Variants in FLII observed in about 807,000 individuals in gnomAD.
The protein encoded by FLII is protein flightless-1 homolog.
FLII carries 101 observed loss-of-function variants against 156.2 expected under a neutral mutation model. That is an observed-to-expected ratio of 0.65 (90% CI 0.55 to 0.76). The LOEUF (loss-of-function observed/expected upper bound fraction) is 0.76. Ranked by LOEUF, FLII falls within the 30% of genes least tolerant of loss-of-function variation. The pLI is 0.00. For synonymous variants in FLII, 767 were observed against 685.8 expected (o/e 1.12, Z -1.85); for missense variants, 1,675 against 1,682.8 (o/e 1.00, Z 0.08).
rs748328577 is a variant in FLII, at chr17:18,246,297, C to T, written c.3206+11G>A. ...GCTTGCTCGCCACTGCGTCCTCCCC[C>T]AGCCAGGCACCGGGTGCAGAGGGCG... On this transcript the variant is annotated intron_variant, in intron 24 of 29. Transcript: ENST00000327031. 2 of 1,613,928 alleles carry T rather than the reference C, an allele frequency of 1.2e-6. No individual in the cohort carries two copies. The highest frequency in any genetic ancestry group is 1.7e-6 in the Non-Finnish European group (2 of 1,180,026).
At chr17:18,248,942 G>C (rs1222117566) in intron 16 of FLII, 59 bp from the exon 17 acceptor site, 2 of 1,494,450 alleles carry the variant, frequency 1.3e-6, no homozygotes, top group African/African-American at 2.8e-5. Flanking sequence ...GTCACCCCAT[G>C]CTCCTGACCC....
intron 2 of FLII, 26 bp from the exon 3 acceptor site, chr17:18,256,623 T>C (rs1237503201): frequency 1.6e-5 from 25 of 1,546,688 alleles, no homozygotes; most frequent in Non-Finnish European, 2.1e-5. Context: ...GAGCACAGGC[T>C]CAGCAGGGTG....
chr17:18,256,432 T>G, intron 3 of FLII, 94 bp downstream of exon 3: 1 of 1,015,032 alleles, frequency 9.9e-7, no homozygotes, highest in Admixed American at 2.0e-5. Context: ...TGGGCAGAAA[T>G]GCTGGCCCAG....
At position 18,249,183 on chromosome 17, in the gene FLII, C is replaced by T; in HGVS notation, c.1878G>A (p.Gly626=). 1.2e-6 allele frequency: 2 copies of T among 1,614,188 alleles called. No homozygotes were observed. Among genetic ancestry groups the T allele is most frequent in the Non-Finnish European group, 1.7e-6 (2 of 1,180,036 alleles). The part of the protein sequence containing the change: ...HYVTRMYRVY[G]KKNIKLEPVP... ...CAGGCTCCAACTTGATGTTCTTTTTCCCATACACACGATACATCCTGGGCG... is the reference window on the plus strand; with the variant it reads ...CAGGCTCCAACTTGATGTTCTTTTTTCCATACACACGATACATCCTGGGCG... Residue 626 remains glycine, a synonymous_variant, in exon 16 of 30, where the codon GGG becomes GGA. Coordinates refer to ENST00000327031, the MANE Select transcript of FLII (RefSeq NM_002018.4).
intron 7 of FLII, 23 bp from the exon 8 acceptor site, chr17:18,253,742 T>C: frequency 6.3e-7 from 1 of 1,577,774 alleles, no homozygotes; most frequent in Non-Finnish European, 8.6e-7. Flanking sequence ...GTGGGGTGCA[T>C]CAGCTGGGGC....
intron 6 of FLII, 90 bp downstream of exon 6, chr17:18,254,431 G>A (rs545029140): frequency 1.4e-5 from 19 of 1,339,026 alleles, no homozygotes; most frequent in Middle Eastern, 2.6e-4. Flanking sequence ...TGGGCCTAAG[G>A]GAGAAGGGTT....
intron 7 of FLII, 89 bp downstream of exon 7, chr17:18,253,990 C>G (rs1195264779): frequency 2.9e-6 from 3 of 1,018,594 alleles, no homozygotes; most frequent in Non-Finnish European, 4.3e-6. Flanking sequence ...GGTATTGGTC[C>G]GAAGAGCAGG....
At chr17:18,251,547 A>T in intron 12 of FLII, 70 bp from the exon 13 acceptor site, 1 of 1,561,596 alleles carries the variant, frequency 6.4e-7, no homozygotes, top group Non-Finnish European at 8.7e-7. Flanking sequence ...CTTGCTACCC[A>T]CACCTCAGGG....
At chr17:18,247,104 T>C (rs777921181) in intron 21 of FLII, 52 bp from the exon 22 acceptor site, 29 of 1,576,306 alleles carry the variant, frequency 1.8e-5, no homozygotes, top group South Asian at 7.9e-5. Context: ...GCTCTGCGCA[T>C]AGGCCCCGCC....
Position 18,244,859 on chromosome 17 carries a change from AT to A in FLII, c.*278del. 2.5e-6 allele frequency: 1 copy of A among 403,360 alleles called. No individual in the cohort carries two copies. Among genetic ancestry groups the A allele is most frequent in the Non-Finnish European group, 4.4e-6 (1 of 228,708 alleles). The allele number at this position is 403,360 out of a possible 1,614,324, so 25.0% of individuals were successfully genotyped here. On this transcript the variant is annotated 3_prime_UTR_variant, in exon 30 of 30. Coordinates refer to ENST00000327031, the MANE Select transcript of FLII (RefSeq NM_002018.4). ...GATTTTTAATATTGAAAATAAAAGC[AT>A]TTAATATCTCTTAAAGGGCATCCAC...
Position 18,245,547 on chromosome 17 carries a change from C to T in FLII, c.3609+8G>A, listed in dbSNP as rs781539446. 2 of 1,613,310 alleles carry T rather than the reference C, an allele frequency of 1.2e-6. No individual in the cohort carries two copies. The highest frequency in any genetic ancestry group is 8.5e-7 in the Non-Finnish European group (1 of 1,179,524). On this transcript the variant is annotated splice_region_variant and intron_variant, in intron 28 of 29. Transcript: ENST00000327031. ...CTTGGATGGGCAGGGCTAGTGGCAA[C>T]ATCACACCTCTTGGCCATTGTCTAG...
chr17:18,246,812 CCACAGGCA>C lies in FLII; in HGVS notation c.2825_2832del (p.Val942GlyfsTer26). 6.2e-7 allele frequency: 1 copy of C among 1,614,128 alleles called. No homozygotes were observed. Among genetic ancestry groups the C allele is most frequent in the Non-Finnish European group, 8.5e-7 (1 of 1,179,990 alleles). On this transcript the variant is annotated frameshift_variant, in exon 23 of 30. Coordinates refer to ENST00000327031, the MANE Select transcript of FLII (RefSeq NM_002018.4). LOFTEE classifies it high-confidence loss of function. ...TCCTTCTTTTCCTCCTCCTCGTACT[CCACAGGCA>C]CCCAGTACCTGCCGGGTTGGAAGGT... is the stretch of plus-strand genomic sequence containing the variant.
chr17:18,247,872 C>G (rs1317394914), intron 19 of FLII, 24 bp from the exon 20 acceptor site: 1 of 1,613,920 alleles, frequency 6.2e-7, no homozygotes, highest in Non-Finnish European at 8.5e-7. Flanking sequence ...GTCTGGAGGT[C>G]AAAGCCCAGC....
In FLII at chr17:18,252,012, A is replaced by T; in HGVS notation, c.1233T>A (p.Ala411=). ...RLAGASPATV[A]AAAAAGSGPK... ...TTCCCCACTCACCAGCTGCAGCTGCAGCCACGGTAGCAGGAGAGGCACCCG... is the reference window on the plus strand; with the variant it reads ...TTCCCCACTCACCAGCTGCAGCTGCTGCCACGGTAGCAGGAGAGGCACCCG... The change falls in exon 11 of 30, where the codon GCT becomes GCA. Residue 411 remains alanine, a synonymous_variant. Transcript: ENST00000327031. 6.2e-7 allele frequency: 1 copy of T among 1,612,966 alleles called. No homozygotes were observed. The highest frequency in any genetic ancestry group is 8.5e-7 in the Non-Finnish European group (1 of 1,179,778).
intron 21 of FLII, 27 bp downstream of exon 21, chr17:18,247,138 CCCCG>C: frequency 6.6e-5 from 82 of 1,235,050 alleles, no homozygotes; most frequent in Middle Eastern, 5.7e-4. Context: ...CCACCCCCCC[CCCCG>C]CGCCCCGGTC....
At position 18,254,096 on chromosome 17, in the gene FLII, C is replaced by A. The variant is rs746784096; in HGVS notation, c.662G>T (p.Gly221Val). 6.2e-7 allele frequency: 1 copy of A among 1,609,924 alleles called. No individual in the cohort carries two copies. Among genetic ancestry groups the A allele is most frequent in the Non-Finnish European group, 8.5e-7 (1 of 1,177,626 alleles). Residue 221 changes from glycine to valine, a missense_variant, in exon 7 of 30, where the codon GGT becomes GTT. Gly to Val is a moderately radical substitution (Grantham distance 109). Transcript: ENST00000327031. ...TQSNLPTSLE[G>V]LSNLADVDLS... ...TGCCTGACCTGCGAGGTTGCTCAGA[C>A]CCTCCAGGCTGGTGGGCAGGTTGCT...
Position 18,251,310 on chromosome 17 carries a change from G to A in FLII, c.1551C>T (p.Ala517=). 6.2e-7 allele frequency: 1 copy of A among 1,614,006 alleles called. No individual in the cohort carries two copies. The highest frequency in any genetic ancestry group is 8.5e-7 in the Non-Finnish European group (1 of 1,180,040). The change falls in exon 13 of 30, where the codon GCC becomes GCT. Residue 517 remains alanine, a synonymous_variant. Transcript: ENST00000327031. The part of the protein sequence containing the change: ...ENFVPVLVEE[A]FHGKFYEADC... ...CAGCCTCGTAGAACTTGCCGTGGAA[G>A]GCTTCCTCCACCAGCACAGGCACGA...
intron 3 of FLII, among the ~76,000 whole-genome samples, chr17:18,256,028 G>A (rs1239684561): frequency 1.3e-5 from 2 of 152,380 alleles, no homozygotes; most frequent in South Asian, 2.1e-4. Context: ...ACAGGGTCTG[G>A]CCAAGGGCCT....
Position 18,249,403 on chromosome 17 carries a change from A to C in FLII, c.1782T>G (p.Phe594Leu). 6.2e-7 allele frequency: 1 copy of C among 1,613,906 alleles called. No individual in the cohort carries two copies. The highest frequency in any genetic ancestry group is 2.2e-5 in the East Asian group (1 of 44,882). The change falls in exon 15 of 30, where the codon TTT (phenylalanine) becomes TTG (leucine). Residue 594 changes from phenylalanine (F) to leucine (L), a missense_variant. Around this residue, in one of 2 missense-constraint regions of FLII, gnomAD observed 1,332 missense variants for 1,269.3 expected, o/e 1.05. Transcript: ENST00000327031. ...GDESEEFLQV[F>L]DNDISYIEGG... ...CCTCAATGTAGGAGATGTCGTTGTC[A>C]AACACCTGTGTGTGTGAGGGTGTGG...
Sources: allele counts gnomAD v4.1 joint callset (sites outside exome capture counted in the v4.1 genomes callset), GRCh38; gene constraint gnomAD v4.1.1; regional missense constraint gnomAD v4.1.1; transcripts MANE v1.5; gene names NCBI Gene and HGNC (gene_info 2026-07-23, HGNC 2026-07-21).